The following ADGRA3 variants were observed in gnomAD, a reference collection of about 807,000 sequenced individuals.
ADGRA3 encodes the protein G-protein coupled receptor 125.
Under a neutral mutation model 119.8 loss-of-function variants are expected in ADGRA3, and 56 were observed. That is an observed-to-expected ratio of 0.47 (90% CI 0.38 to 0.58). The LOEUF (loss-of-function observed/expected upper bound fraction) is 0.58. Among genes scored for constraint, ADGRA3 ranks in the 20% least tolerant of loss-of-function variants. The pLI is 0.00. For synonymous variants in ADGRA3, 607 were observed against 623.8 expected, an observed-to-expected ratio of 0.97 and a Z score of 0.40; for missense variants, 1,516 against 1,649.0, an observed-to-expected ratio of 0.92 and a Z score of 1.40.
intron 1 of ADGRA3, among the ~76,000 whole-genome samples, chr4:22,511,549 TA>T (rs969528660): frequency 6.6e-6 from 1 of 151,724 alleles, no homozygotes. Flanking sequence ...TTTCATGATT[TA>T]AAAAAAAATT....
At chr4:22,480,378 A>G (rs930736080) in intron 1 of ADGRA3, among the ~76,000 whole-genome samples, 3 of 152,130 alleles carry the variant, frequency 2.0e-5, no homozygotes, top group African/African-American at 7.2e-5. Flanking sequence ...TTTTGCTATA[A>G]ATCAGTACAA....
At chr4:22,432,745 T>C (rs1438744456) in intron 10 of ADGRA3, among the ~76,000 whole-genome samples, 4 of 152,190 alleles carry the variant, frequency 2.6e-5, no homozygotes, top group African/African-American at 9.7e-5. Context: ...CCACTAAATA[T>C]ATCACTTAGA....
intron 1 of ADGRA3, among the ~76,000 whole-genome samples, chr4:22,488,029 C>T (rs1020335116): frequency 3.9e-5 from 6 of 152,020 alleles, no homozygotes; most frequent in African/African-American, 1.2e-4. Flanking sequence ...CTAGTATAAA[C>T]GTAAGTGACA....
chr4:22,431,984 T>C (rs1329908133), intron 10 of ADGRA3, among the ~76,000 whole-genome samples: 1 of 152,116 alleles, frequency 6.6e-6, no homozygotes, highest in African/African-American at 2.4e-5. Flanking sequence ...AAAGTTGCAG[T>C]TTCCAAGAAC....
At chr4:22,431,697 C>T (rs902271179) in intron 10 of ADGRA3, among the ~76,000 whole-genome samples, 1 of 152,126 alleles carries the variant, frequency 6.6e-6, no homozygotes, top group Non-Finnish European at 1.5e-5. Flanking sequence ...TCAATTAAAC[C>T]TCTTTCCTTT....
intron 2 of ADGRA3, among the ~76,000 whole-genome samples, chr4:22,462,989 G>A (rs1717520057): frequency 6.6e-6 from 1 of 152,194 alleles, no homozygotes; most frequent in Non-Finnish European, 1.5e-5. Context: ...ACTCTTGCCA[G>A]TGGCAGGCCC....
intron 14 of ADGRA3, among the ~76,000 whole-genome samples, chr4:22,406,336 C>T (rs572637869): frequency 3.9e-5 from 6 of 152,294 alleles, no homozygotes; most frequent in African/African-American, 1.2e-4. Flanking sequence ...TGAATATATA[C>T]TCAGCAGTGA....
At chr4:22,452,293 G>T (rs1717073683) in intron 4 of ADGRA3, among the ~76,000 whole-genome samples, 1 of 152,084 alleles carries the variant, frequency 6.6e-6, no homozygotes, top group Admixed American at 6.6e-5. Context: ...AGATTAATGG[G>T]TATAATGTAC....
chr4:22,398,336 A>G (rs1040329546), intron 16 of ADGRA3, among the ~76,000 whole-genome samples: 1 of 152,192 alleles, frequency 6.6e-6, no homozygotes, highest in Non-Finnish European at 1.5e-5. Flanking sequence ...TGGATTAATC[A>G]TAAGCCACAG....
intron 10 of ADGRA3, among the ~76,000 whole-genome samples, chr4:22,434,128 T>TA (rs1716298119): frequency 1.3e-5 from 2 of 148,318 alleles, no homozygotes; most frequent in African/African-American, 4.9e-5. Context: ...TATATATATA[T>TA]TATATATAAC....
At chr4:22,422,679 G>C (rs1411957377) in intron 11 of ADGRA3, among the ~76,000 whole-genome samples, 1 of 152,120 alleles carries the variant, frequency 6.6e-6, no homozygotes, top group Non-Finnish European at 1.5e-5. Flanking sequence ...ACATAGAGAT[G>C]GTATGCAAAT....
chr4:22,389,025 G>A, intron 18 of ADGRA3, 63 bp downstream of exon 18: 1 of 1,595,442 alleles, frequency 6.3e-7, no homozygotes, highest in Non-Finnish European at 8.6e-7. Flanking sequence ...CACCTGTAAT[G>A]CCTAGAAAAT....
chr4:22,507,013 G>A (rs553428076), intron 1 of ADGRA3, among the ~76,000 whole-genome samples: 17 of 152,040 alleles, frequency 1.1e-4, no homozygotes, highest in Admixed American at 6.6e-4. Flanking sequence ...CAAGGCGGGC[G>A]GATCACGAGG....
intron 16 of ADGRA3, among the ~76,000 whole-genome samples, chr4:22,395,849 A>C (rs569849970): frequency 6.6e-6 from 1 of 152,236 alleles, no homozygotes. Context: ...AAACATGCAC[A>C]GTAGTTGACA....
intron 7 of ADGRA3, among the ~76,000 whole-genome samples, chr4:22,440,800 C>A (rs911422953): frequency 6.6e-6 from 1 of 152,052 alleles, no homozygotes. Flanking sequence ...GCTTAGTGTA[C>A]AATGTGATGA....
intron 1 of ADGRA3, among the ~76,000 whole-genome samples, chr4:22,479,230 G>A (rs1052165344): frequency 1.3e-5 from 2 of 152,142 alleles, no homozygotes; most frequent in African/African-American, 4.8e-5. Context: ...TTGGGAGGCC[G>A]AGGCGGGCGG....
rs778503373 is a variant in ADGRA3, at chr4:22,388,644, C to T, written c.3027G>A (p.Leu1009=). Reference sequence around the variant, plus strand: ...AAACAGCCAAAGCCCCAAACATCCACAGTGCAACATATAAGAGCAAAGTAA... The same window carrying T: ...AAACAGCCAAAGCCCCAAACATCCATAGTGCAACATATAAGAGCAAAGTAA... ...ASLTLLLYVA[L]WMFGALAVSL... is the part of the protein sequence containing the mutation. Residue 1009 remains leucine, a synonymous_variant, in exon 19 of 19, where the codon CTG becomes CTA. Transcript: ENST00000334304. 6.2e-7 allele frequency: 1 copy of T among 1,614,060 alleles called. No homozygotes were observed. The highest frequency in any genetic ancestry group is 8.5e-7 in the Non-Finnish European group (1 of 1,180,002).
chr4:22,402,813 G>T lies in ADGRA3; in HGVS notation c.2233-14C>A, dbSNP rs1714723932. On this transcript the variant is annotated splice_polypyrimidine_tract_variant and intron_variant, in intron 14 of 18. Coordinates refer to ENST00000334304, the MANE Select transcript of ADGRA3 (RefSeq NM_145290.4). ...TCCCGTCAAATCCTGAGGGCAAAAA[G>T]AAAGATCCATTCTAGCAGTACTTCT... 4 of 1,604,922 alleles carry T rather than the reference G, an allele frequency of 2.5e-6. No homozygotes were observed. The highest frequency in any genetic ancestry group is 3.4e-6 in the Non-Finnish European group (4 of 1,177,298).
chr4:22,491,217 A>G (rs1436312191), intron 1 of ADGRA3, among the ~76,000 whole-genome samples: 3 of 152,208 alleles, frequency 2.0e-5, no homozygotes, highest in Non-Finnish European at 2.9e-5. Flanking sequence ...AAAATTCACG[A>G]GAAGAGTAAT....
Sources: allele counts gnomAD v4.1 joint callset (sites outside exome capture counted in the v4.1 genomes callset), GRCh38; gene constraint gnomAD v4.1.1; transcripts MANE v1.5; gene names NCBI Gene and HGNC (gene_info 2026-07-23, HGNC 2026-07-21).